The following KCNA6 variants were observed in gnomAD, a reference collection of about 807,000 sequenced individuals.
KCNA6 encodes the protein potassium voltage-gated channel subfamily A member 6.
Under a neutral mutation model 29.5 loss-of-function variants are expected in KCNA6, and 17 were observed. The ratio of observed to expected loss-of-function variants is 0.58; its 90% CI spans 0.39 to 0.86. The LOEUF (loss-of-function observed/expected upper bound fraction) is 0.86. KCNA6 is among the 40% of genes least tolerant of loss of function. The pLI is 0.00. For synonymous variants in KCNA6, 296 were observed against 304.7 expected (o/e 0.97, Z 0.30); for missense variants, 450 against 703.4 (o/e 0.64, Z 4.07).
chr12:4,847,512 A>G, the KCNA6 span, among the ~76,000 whole-genome samples: 1 of 151,774 alleles, frequency 6.6e-6, no homozygotes, highest in South Asian at 2.1e-4. Context: ...CTTCTGTTGA[A>G]GTTTTGATTT....
the KCNA6 span, among the ~76,000 whole-genome samples, chr12:4,823,106 G>C: frequency 6.6e-6 from 1 of 152,184 alleles, no homozygotes; most frequent in Non-Finnish European, 1.5e-5. Context: ...CCTTACATTT[G>C]AATGCTTGTA....
In KCNA6 at chr12:4,810,037, G is replaced by T; in HGVS notation, c.-5G>T. ...TAGTGGCGGGGAGCGCACCTCCGAG[G>T]GGGCATGAGATCGGAGAAATCCCTT... On this transcript the variant is annotated 5_prime_UTR_variant, in exon 1 of 1. Transcript: ENST00000280684. The surrounding 1 kb of genome is among the most constrained non-coding windows in gnomAD (Gnocchi z 7.5). The T allele has an allele frequency of 1.3e-6, 2 of 1,511,540 alleles. No homozygotes were observed. The highest frequency in any genetic ancestry group is 8.8e-7 in the Non-Finnish European group (1 of 1,135,886). 93.6% of individuals were successfully genotyped at this position (1,511,540 alleles called of 1,614,324 possible). A position where few individuals can be genotyped will look rare whatever the true frequency, so the allele number is the denominator to read the frequency against.
chr12:4,824,755 C>T, the KCNA6 span, among the ~76,000 whole-genome samples: 3 of 152,274 alleles, frequency 2.0e-5, no homozygotes, highest in South Asian at 6.2e-4. Flanking sequence ...GCTTCCTCCC[C>T]GATGCGTAAG....
chr12:4,839,538 G>T, the KCNA6 span, among the ~76,000 whole-genome samples: 1 of 152,120 alleles, frequency 6.6e-6, no homozygotes, highest in Non-Finnish European at 1.5e-5. Flanking sequence ...AGTTTTGGGG[G>T]AGTCAAAAGT....
At chr12:4,837,623 A>G in the KCNA6 span, among the ~76,000 whole-genome samples, 3 of 152,094 alleles carry the variant, frequency 2.0e-5, no homozygotes, top group Non-Finnish European at 4.4e-5. Context: ...TTTATCACAG[A>G]AATCTGTGCT....
At chr12:4,835,014 C>G in the KCNA6 span, among the ~76,000 whole-genome samples, 1 of 152,148 alleles carries the variant, frequency 6.6e-6, no homozygotes, top group African/African-American at 2.4e-5. Flanking sequence ...AAAATGTAGC[C>G]TAACCAATGT....
At chr12:4,820,508 T>A in the KCNA6 span, among the ~76,000 whole-genome samples, 2 of 147,894 alleles carry the variant, frequency 1.4e-5, no homozygotes, top group African/African-American at 5.0e-5. Context: ...AACTCCAGCA[T>A]ATTTTCCCAT....
the KCNA6 span, among the ~76,000 whole-genome samples, chr12:4,833,170 A>C: frequency 6.6e-6 from 1 of 152,218 alleles, no homozygotes; most frequent in Non-Finnish European, 1.5e-5. Context: ...TAGCTAACCA[A>C]TTAAAAACCG....
At chr12:4,826,800 G>A in the KCNA6 span, among the ~76,000 whole-genome samples, 1 of 152,316 alleles carries the variant, frequency 6.6e-6, no homozygotes, top group East Asian at 1.9e-4. Flanking sequence ...AAGAGAGTTG[G>A]AGTTACTAGG....
At chr12:4,822,897 T>G in the KCNA6 span, among the ~76,000 whole-genome samples, 1 of 152,248 alleles carries the variant, frequency 6.6e-6, no homozygotes, top group Non-Finnish European at 1.5e-5. Flanking sequence ...CCAGTTGGTT[T>G]CAGCTCTCAG....
the KCNA6 span, among the ~76,000 whole-genome samples, chr12:4,849,311 T>G: frequency 6.6e-6 from 1 of 151,966 alleles, no homozygotes; most frequent in African/African-American, 2.4e-5. Context: ...CTGACACAAC[T>G]CCACATTTAT....
At chr12:4,809,934 G>A in exon 1 of KCNA6, 1 of 1,313,368 alleles carries the variant, frequency 7.6e-7, no homozygotes, top group Non-Finnish European at 1.0e-6. Context: ...AGGAGCGCGG[G>A]CCCCACCCTA....
At chr12:4,838,163 A>G in the KCNA6 span, among the ~76,000 whole-genome samples, 1 of 152,208 alleles carries the variant, frequency 6.6e-6, no homozygotes, top group Non-Finnish European at 1.5e-5. Context: ...CCAGAGCTTA[A>G]GAACCCCTTC....
chr12:4,832,653 G>A, the KCNA6 span, among the ~76,000 whole-genome samples: 5 of 152,234 alleles, frequency 3.3e-5, no homozygotes, highest in South Asian at 1.0e-3. Context: ...TCAATTCCTA[G>A]TCACTCACCT....
the KCNA6 span, among the ~76,000 whole-genome samples, chr12:4,828,745 G>A: frequency 6.6e-6 from 1 of 152,210 alleles, no homozygotes; most frequent in Non-Finnish European, 1.5e-5. Context: ...AAGTGGGGTG[G>A]TAGGATTTCA....
chr12:4,821,418 ATGTGTG>A, the KCNA6 span, among the ~76,000 whole-genome samples: 1,680 of 143,496 alleles, frequency 0.012, 15 homozygotes, highest in African/African-American at 0.025. Flanking sequence ...ACTCACTTGG[ATGTGTG>A]TGTGTGTGTG....
At chr12:4,849,981 A>C in the KCNA6 span, among the ~76,000 whole-genome samples, 6 of 152,178 alleles carry the variant, frequency 3.9e-5, no homozygotes, top group Non-Finnish European at 1.5e-5. Flanking sequence ...ACAAGTGAGG[A>C]GTTTAACTTT....
the KCNA6 span, among the ~76,000 whole-genome samples, chr12:4,844,362 A>AGGT: frequency 6.6e-6 from 1 of 152,194 alleles, no homozygotes; most frequent in Non-Finnish European, 1.5e-5. The surrounding 1 kb of genome is among the most constrained non-coding windows in gnomAD (Gnocchi z 4.0). Flanking sequence ...ACAACAGCAG[A>AGGT]GGTGATGTAG....
the KCNA6 span, among the ~76,000 whole-genome samples, chr12:4,824,505 A>C: frequency 6.6e-6 from 1 of 152,262 alleles, no homozygotes; most frequent in East Asian, 1.9e-4. Flanking sequence ...AAAAGCCAGC[A>C]GCAGAGAATA....
Sources: gnomAD v4.1 joint callset for allele counts (sites outside exome capture counted in the v4.1 genomes callset) on GRCh38, gnomAD v4.1.1 for gene constraint, Gnocchi (gnomAD v3.1) non-coding constraint, MANE v1.5 for transcripts, NCBI Gene and HGNC (gene_info 2026-07-23, HGNC 2026-07-21) for gene names.